The following SDK1 variants were observed in gnomAD, a reference collection of about 807,000 sequenced individuals.
SDK1 encodes the protein protein sidekick-1.
SDK1 carries 157 observed loss-of-function variants against 245.5 expected under a neutral mutation model. The observed-to-expected ratio is 0.64, with a 90% confidence interval of 0.56 to 0.73. The LOEUF is 0.73. SDK1 is among the 30% of genes least tolerant of loss of function. SDK1 has a pLI of 0.00. For synonymous variants in SDK1, 1,647 were observed against 1,278.5 expected (o/e 1.29, Z -6.15); for missense variants, 3,583 against 3,002.3 (o/e 1.19, Z -4.52).
chr7:4,159,258 G>T (rs985294950), intron 31 of SDK1, among the ~76,000 whole-genome samples: 1 of 152,192 alleles, frequency 6.6e-6, no homozygotes, highest in Non-Finnish European at 1.5e-5. Context: ...CCAATTTCCA[G>T]CTGGCTCACC....
chr7:3,468,245 T>C (rs918080252), intron 1 of SDK1, among the ~76,000 whole-genome samples: 1 of 152,170 alleles, frequency 6.6e-6, no homozygotes, highest in African/African-American at 2.4e-5. Flanking sequence ...GATTCTCTCA[T>C]GTCCAGTGAT....
At chr7:4,212,520 A>T (rs1784561491) in intron 38 of SDK1, among the ~76,000 whole-genome samples, 1 of 152,068 alleles carries the variant, frequency 6.6e-6, no homozygotes, top group African/African-American at 2.4e-5. Context: ...CATGGGAGGG[A>T]CGGGGATTTA....
chr7:3,612,033 TG>T (rs938588150), intron 1 of SDK1, among the ~76,000 whole-genome samples: 9 of 152,092 alleles, frequency 5.9e-5, no homozygotes, highest in Admixed American at 1.3e-4. Context: ...CACTCCTAAG[TG>T]GGAGCTAAGC....
intron 17 of SDK1, among the ~76,000 whole-genome samples, chr7:4,035,506 G>T (rs1788142838): frequency 6.6e-6 from 1 of 152,170 alleles, no homozygotes; most frequent in African/African-American, 2.4e-5. Flanking sequence ...TGGAATGTTG[G>T]TGGGAGTGGC....
chr7:4,171,499 A>G (rs533222480), intron 32 of SDK1, among the ~76,000 whole-genome samples: 3 of 152,300 alleles, frequency 2.0e-5, no homozygotes, highest in African/African-American at 4.8e-5. Context: ...AAGCAAAAAA[A>G]TCAAGAGAGC....
intron 22 of SDK1, among the ~76,000 whole-genome samples, chr7:4,100,528 G>C (rs1361691987): frequency 6.6e-6 from 1 of 152,094 alleles, no homozygotes; most frequent in Non-Finnish European, 1.5e-5. Flanking sequence ...AGGCCTTTAG[G>C]AGGGGATGGG....
At chr7:3,949,054 G>A (rs1412980540) in intron 5 of SDK1, among the ~76,000 whole-genome samples, 4 of 152,114 alleles carry the variant, frequency 2.6e-5, no homozygotes, top group South Asian at 2.1e-4. Flanking sequence ...GAGTGCATCC[G>A]GACTCTGCCA....
chr7:3,629,146 A>AG (rs1782209537), intron 2 of SDK1, among the ~76,000 whole-genome samples: 3 of 151,640 alleles, frequency 2.0e-5, no homozygotes, highest in African/African-American at 7.3e-5. Context: ...CAAAAAAAAA[A>AG]AAAAATTAGC....
intron 40 of SDK1, among the ~76,000 whole-genome samples, chr7:4,231,838 G>C (rs1162020643): frequency 2.0e-5 from 3 of 152,106 alleles, no homozygotes; most frequent in Non-Finnish European, 4.4e-5. Context: ...GAGTGTACCT[G>C]GTGATTCCGG....
At chr7:3,983,184 G>A (rs977244921) in intron 13 of SDK1, among the ~76,000 whole-genome samples, 4 of 152,208 alleles carry the variant, frequency 2.6e-5, no homozygotes, top group Non-Finnish European at 5.9e-5. Context: ...AATATTGCAT[G>A]AACTTAGCTG....
chr7:3,856,481 T>A (rs1162082460), intron 5 of SDK1, among the ~76,000 whole-genome samples: 12 of 119,240 alleles, frequency 1.0e-4, no homozygotes, highest in African/African-American at 2.9e-4. Flanking sequence ...CAGGTAATGT[T>A]AAAAAAAAAA....
intron 5 of SDK1, among the ~76,000 whole-genome samples, chr7:3,858,470 A>AAC (rs890403953): frequency 9.4e-5 from 14 of 148,896 alleles, no homozygotes; most frequent in African/African-American, 3.6e-4. Context: ...AATACCCAGG[A>AAC]AAAAAAAATC....
intron 1 of SDK1, among the ~76,000 whole-genome samples, chr7:3,365,987 C>T (rs749930174): frequency 2.7e-4 from 40 of 150,408 alleles, no homozygotes; most frequent in Non-Finnish European, 5.2e-4. Context: ...TGCAATGAGC[C>T]GAGATTGTGC....
intron 41 of SDK1, among the ~76,000 whole-genome samples, chr7:4,234,725 C>T (rs936875264): frequency 2.0e-5 from 3 of 152,204 alleles, no homozygotes; most frequent in Non-Finnish European, 4.4e-5. Flanking sequence ...ACTTCCGTGG[C>T]TCCAGGCGTG....
At chr7:3,786,226 A>T (rs1780895717) in intron 4 of SDK1, among the ~76,000 whole-genome samples, 2 of 152,160 alleles carry the variant, frequency 1.3e-5, no homozygotes, top group Non-Finnish European at 2.9e-5. Flanking sequence ...CATGTCTTGG[A>T]TGACTTAAAG....
chr7:3,557,192 A>G lies in SDK1; in HGVS notation c.299-61888A>G, dbSNP rs182920872. On this transcript the variant is annotated intron_variant, in intron 1 of 44. Coordinates refer to ENST00000404826, the MANE Select transcript of SDK1 (RefSeq NM_152744.4). ...CTGGTCCTTTAAAAACTTTAATAAA[A>G]TTGATAAATCTGTAACAAAATCGAG... Among the ~76,000 whole-genome samples, 172 of 152,278 alleles carry G rather than the reference A, an allele frequency of 1.1e-3. 1 individual carries two copies. The highest frequency in any genetic ancestry group is 1.5e-3 in the Non-Finnish European group (101 of 68,032).
chr7:3,422,263 G>T (rs1779554559), intron 1 of SDK1, among the ~76,000 whole-genome samples: 1 of 151,884 alleles, frequency 6.6e-6, no homozygotes, highest in Non-Finnish European at 1.5e-5. Context: ...TTAAAAACCT[G>T]CTATTATTCT....
In SDK1 at chr7:3,830,639, G is replaced by A. The variant is rs553715301; in HGVS notation, c.847+9056G>A. On this transcript the variant is annotated intron_variant, in intron 5 of 44. Coordinates refer to ENST00000404826, the MANE Select transcript of SDK1 (RefSeq NM_152744.4). Reference sequence around the variant, plus strand: ...GCCTCCTGATTAGCTGGGACTGCAGGTGTACACCACCACACTTGGCTAATT... The same window carrying A: ...GCCTCCTGATTAGCTGGGACTGCAGATGTACACCACCACACTTGGCTAATT... Among the ~76,000 whole-genome samples, 6 of 152,054 alleles carry A rather than the reference G, an allele frequency of 3.9e-5. No homozygotes were observed. In the South Asian group the frequency reaches 1.0e-3, roughly 26 times the overall value.
chr7:3,882,536 T>G (rs2128099752), intron 5 of SDK1, among the ~76,000 whole-genome samples: 1 of 152,376 alleles, frequency 6.6e-6, no homozygotes, highest in Admixed American at 6.5e-5. Flanking sequence ...TGGATTCTAC[T>G]CATTTAGAAT....
Sources: allele counts gnomAD v4.1 joint callset (sites outside exome capture counted in the v4.1 genomes callset), GRCh38; gene constraint gnomAD v4.1.1; transcripts MANE v1.5; gene names NCBI Gene and HGNC (gene_info 2026-07-23, HGNC 2026-07-21).